The following ATXN7 variants were observed in gnomAD, a reference collection of about 807,000 sequenced individuals.
The protein encoded by ATXN7 is ataxin 7, also known as ataxin-7.
A neutral mutation model predicts 70.5 loss-of-function variants in ATXN7; 12 were observed. The observed-to-expected ratio is 0.17, with a 90% CI of 0.11 to 0.28. The LOEUF (loss-of-function observed/expected upper bound fraction) is 0.28, where lower values mean the gene tolerates loss of function less well. Ranked by LOEUF, ATXN7 falls within the 10% of genes least tolerant of loss-of-function variation. ATXN7 has a pLI of 1.00. For missense variants in ATXN7, 1,256 were observed against 1,131.7 expected (o/e 1.11, Z -1.58); for synonymous variants, 498 against 448.7 (o/e 1.11, Z -1.39).
intron 4 of ATXN7, among the ~76,000 whole-genome samples, chr3:63,919,023 C>T (rs1704399141): frequency 7.1e-6 from 1 of 141,408 alleles, no homozygotes; most frequent in South Asian, 2.1e-4. Context: ...GGTGCAGGAA[C>T]CCCCAGAGAC....
intron 4 of ATXN7, among the ~76,000 whole-genome samples, chr3:63,924,270 T>A (rs1274022259): frequency 6.6e-6 from 1 of 152,212 alleles, no homozygotes; most frequent in Non-Finnish European, 1.5e-5. Context: ...GCTCTGATTT[T>A]GGCCACACTG....
intron 4 of ATXN7, among the ~76,000 whole-genome samples, chr3:63,942,152 G>A (rs2074779809): frequency 6.6e-6 from 1 of 152,218 alleles, no homozygotes; most frequent in Admixed American, 6.5e-5. Flanking sequence ...CATGAAATGA[G>A]ACAGAAGAGC....
At chr3:63,904,992 T>C (rs1575872224) in intron 2 of ATXN7, 2 of 152,366 alleles carry the variant, frequency 1.3e-5, no homozygotes, top group Middle Eastern at 6.8e-3. Flanking sequence ...TGACTAATGA[T>C]ATTGACCTTC....
In ATXN7 at chr3:63,962,779, G is replaced by T. The variant is rs73117083; in HGVS notation, c.499+10296G>T. On this transcript the variant is annotated intron_variant, in intron 5 of 12. Transcript: ENST00000674280. ...GTTATTTTGCCAAAGTGGCTAATAGGCCTTTTTCTGGGTGATTCAACTGTG... is the reference window on the plus strand; with the variant it reads ...GTTATTTTGCCAAAGTGGCTAATAGTCCTTTTTCTGGGTGATTCAACTGTG... Among the ~76,000 whole-genome samples, 203 of 152,168 alleles carry T rather than the reference G, an allele frequency of 1.3e-3. 1 individual carries two copies. The highest frequency in any genetic ancestry group is 4.2e-3 in the African/African-American group (175 of 41,540).
At chr3:63,992,170 G>A (rs573049015) in intron 11 of ATXN7, among the ~76,000 whole-genome samples, 2 of 152,144 alleles carry the variant, frequency 1.3e-5, no homozygotes, top group South Asian at 2.1e-4. Context: ...GACGCTAGTC[G>A]GAGGCCTTGG....
chr3:63,887,552 A>T (rs1328123573), intron 1 of ATXN7, among the ~76,000 whole-genome samples: 1 of 152,162 alleles, frequency 6.6e-6, no homozygotes, highest in African/African-American at 2.4e-5. Flanking sequence ...TGTTTAAAGT[A>T]TCTGTTAGAT....
intron 4 of ATXN7, among the ~76,000 whole-genome samples, chr3:63,928,800 A>C (rs1704819929): frequency 6.6e-6 from 1 of 152,230 alleles, no homozygotes; most frequent in Admixed American, 6.5e-5. Flanking sequence ...GGACAACAGG[A>C]ATAGGCTTTT....
intron 5 of ATXN7, among the ~76,000 whole-genome samples, chr3:63,964,927 G>A (rs910298971): frequency 2.6e-5 from 4 of 152,174 alleles, no homozygotes; most frequent in Non-Finnish European, 5.9e-5. Context: ...GGCCTGCTGA[G>A]ACAGTGAAGT....
chr3:63,965,537 T>C (rs2075206337), intron 5 of ATXN7, among the ~76,000 whole-genome samples: 1 of 152,210 alleles, frequency 6.6e-6, no homozygotes, highest in African/African-American at 2.4e-5. Context: ...TTTCGGTCAG[T>C]GAGGCACGGA....
At position 63,912,343 on chromosome 3, in the gene ATXN7, C is replaced by T. The variant is rs1400363394; in HGVS notation, c.-11-245C>T. ...CAGCGCCGCGGTGGCGGGCCGCCTG[C>T]TGCCCGTCCCCTCCCTCGGGCGGCC... On this transcript the variant is annotated intron_variant, in intron 2 of 12. Coordinates refer to ENST00000674280, the MANE Select transcript of ATXN7 (RefSeq NM_001377405.1). 4.0e-5 allele frequency among the ~76,000 whole-genome samples: 6 copies of T among 151,636 alleles called. No individual in the cohort carries two copies. The South Asian group carries it at 1.0e-3, about 26-fold the overall frequency.
At chr3:63,864,261 C>G (rs1382233640) in intron 1 of ATXN7, among the ~76,000 whole-genome samples, 103 bp downstream of exon 1, 1 of 151,312 alleles carries the variant, frequency 6.6e-6, no homozygotes, top group Non-Finnish European at 1.5e-5. Flanking sequence ...TGACTGCGGC[C>G]CCGCCGCCCC....
At chr3:63,886,944 G>A (rs1703103487) in intron 1 of ATXN7, among the ~76,000 whole-genome samples, 1 of 152,130 alleles carries the variant, frequency 6.6e-6, no homozygotes, top group Non-Finnish European at 1.5e-5. Flanking sequence ...CTTTGCTTCT[G>A]CCCAGTAGCA....
At chr3:63,912,011 T>C (rs1268984034) in intron 2 of ATXN7, 1 of 152,130 alleles carries the variant, frequency 6.6e-6, no homozygotes, top group Non-Finnish European at 1.5e-5. Flanking sequence ...GGGCTTGACG[T>C]GCAAACTTCG....
intron 5 of ATXN7, among the ~76,000 whole-genome samples, chr3:63,963,169 G>C (rs1352832467): frequency 6.6e-6 from 1 of 152,088 alleles, no homozygotes; most frequent in African/African-American, 2.4e-5. Flanking sequence ...ACCTGCCTCT[G>C]CCTCCTGAAG....
chr3:63,980,241 G>A (rs930440137), intron 6 of ATXN7, 74 bp downstream of exon 6: 2 of 1,545,230 alleles, frequency 1.3e-6, no homozygotes, highest in Non-Finnish European at 1.8e-6. Flanking sequence ...GCATGTGAGA[G>A]TGCCTGTGAG....
chr3:63,978,205 G>A (rs1336085601), intron 5 of ATXN7, among the ~76,000 whole-genome samples: 2 of 152,180 alleles, frequency 1.3e-5, no homozygotes, highest in Non-Finnish European at 2.9e-5. Context: ...CTGAGGGAGG[G>A]ACCTATGCAT....
At chr3:63,993,275 A>ATTTTTTTTTTTTTTT (rs556994956) in intron 11 of ATXN7, among the ~76,000 whole-genome samples, 5 of 116,010 alleles carry the variant, frequency 4.3e-5, no homozygotes, top group Admixed American at 8.8e-5. Context: ...TTGTTGGTGT[A>ATTTTTTTTTTTTTTT]TTTTTTTTTT....
chr3:63,997,764 T>C, intron 12 of ATXN7: 1 of 1,518,062 alleles, frequency 6.6e-7, no homozygotes, highest in Non-Finnish European at 8.8e-7. Flanking sequence ...GGGTTAGGAC[T>C]TTTTCAGAAA....
chr3:63,886,053 T>C (rs1703076925), intron 1 of ATXN7, among the ~76,000 whole-genome samples: 1 of 152,238 alleles, frequency 6.6e-6, no homozygotes, highest in East Asian at 1.9e-4. Context: ...TATATGCAAA[T>C]AATGTAAGAC....
Sources: gnomAD v4.1 joint callset for allele counts (sites outside exome capture counted in the v4.1 genomes callset) on GRCh38, gnomAD v4.1.1 for gene constraint, MANE v1.5 for transcripts, NCBI Gene and HGNC (gene_info 2026-07-23, HGNC 2026-07-21) for gene names.